The following VXN variants were observed in gnomAD, a reference collection of about 807,000 sequenced individuals.
VXN encodes the protein vexin, also known as uncharacterized protein C8orf46.
A neutral mutation model predicts 23.1 loss-of-function variants in VXN; 7 were observed. The ratio of observed to expected loss-of-function variants is 0.30; its 90% confidence interval spans 0.17 to 0.57. The LOEUF is 0.57. Ranked by LOEUF, VXN falls within the 20% of genes least tolerant of loss-of-function variation. The pLI, the probability that VXN is intolerant of heterozygous loss-of-function variation, is 0.91. For synonymous variants in VXN, 120 were observed against 105.8 expected (o/e 1.13, Z -0.83); for missense variants, 238 against 272.6 (o/e 0.87, Z 0.89).
At chr8:66,515,302 C>G (rs556767575) in intron 5 of VXN, among the ~76,000 whole-genome samples, 3 of 152,198 alleles carry the variant, frequency 2.0e-5, no homozygotes, top group Non-Finnish European at 4.4e-5. Context: ...GAAAATTAAG[C>G]CCACCATTTC....
In VXN at chr8:66,517,005, C is replaced by A. The variant is rs747451548; in HGVS notation, c.*929C>A. On this transcript the variant is annotated 3_prime_UTR_variant, in exon 6 of 6. Transcript: ENST00000305454. The stretch of plus-strand genomic sequence containing the variant: ...AATGGTGAGAGTGTGTCTCTGGGGG[C>A]AACCATTGAAAAGAAGACTCTGATA... The A allele has an allele frequency of 8.5e-5, 13 of 152,216 alleles. No individual in the cohort carries two copies. Among genetic ancestry groups the A allele is most frequent in the Non-Finnish European group, 1.3e-4 (9 of 68,016 alleles). 9.4% of individuals were successfully genotyped at this position (152,216 alleles called of 1,614,324 possible).
At chr8:66,505,349 C>T (rs767853928) in intron 2 of VXN, 26 bp from the exon 3 acceptor site, 5 of 1,569,038 alleles carry the variant, frequency 3.2e-6, no homozygotes, top group Non-Finnish European at 3.5e-6. Flanking sequence ...GAGGAGTGGG[C>T]TAACCGCGTT....
chr8:66,512,889 A>G (rs529170055), intron 4 of VXN, among the ~76,000 whole-genome samples: 30 of 152,172 alleles, frequency 2.0e-4, no homozygotes, highest in Admixed American at 2.0e-4. Context: ...CGAGCTGCGT[A>G]GATAGAGGGC....
intron 2 of VXN, among the ~76,000 whole-genome samples, chr8:66,500,868 ATTTTTTTT>A (rs1172553891): frequency 8.8e-6 from 1 of 114,152 alleles, no homozygotes; most frequent in Non-Finnish European, 1.8e-5. Flanking sequence ...AAAGGACATG[ATTTTTTTT>A]TTTTTTTTTT....
At position 66,516,862 on chromosome 8, in the gene VXN, C is replaced by T. The variant is rs986960877; in HGVS notation, c.*786C>T. On this transcript the variant is annotated 3_prime_UTR_variant, in exon 6 of 6. Coordinates refer to ENST00000305454, the MANE Select transcript of VXN (RefSeq NM_152765.4). The stretch of plus-strand genomic sequence containing the variant: ...AATCTGCAGAGGGGGAAATGGAGGC[C>T]TTCAGAGATTACAGGACCAGATACC... 3 of 152,178 alleles carry T rather than the reference C, an allele frequency of 2.0e-5. No individual in the cohort carries two copies. The highest frequency in any genetic ancestry group is 2.9e-5 in the Non-Finnish European group (2 of 68,048). The allele number at this position is 152,178 out of a possible 1,614,324, so 9.4% of individuals were successfully genotyped here.
chr8:66,493,875 A>T (rs936090285), intron 1 of VXN, among the ~76,000 whole-genome samples, 157 bp downstream of exon 1: 3 of 152,110 alleles, frequency 2.0e-5, no homozygotes, highest in Non-Finnish European at 4.4e-5. Context: ...GGGGGGAAAG[A>T]GGCACAAGGA....
intron 1 of VXN, chr8:66,494,968 G>A (rs1807609868): frequency 6.6e-6 from 1 of 152,222 alleles, no homozygotes. Flanking sequence ...GTGAACATAG[G>A]TAGATCTAAG....
At chr8:66,504,504 A>G (rs140488561) in intron 2 of VXN, among the ~76,000 whole-genome samples, 9 of 151,982 alleles carry the variant, frequency 5.9e-5, no homozygotes, top group Non-Finnish European at 1.3e-4. Context: ...GACTCTCCAT[A>G]GTAAGATAAA....
At chr8:66,510,454 G>T (rs1425824195) in intron 4 of VXN, 1 of 287,358 alleles carries the variant, frequency 3.5e-6, no homozygotes, top group South Asian at 5.6e-5. Context: ...GGGGCAGGAT[G>T]GACTGGTTTC....
At chr8:66,508,708 C>G (rs1223012041) in intron 3 of VXN, among the ~76,000 whole-genome samples, 1 of 152,206 alleles carries the variant, frequency 6.6e-6, no homozygotes, top group Non-Finnish European at 1.5e-5. Context: ...AGTCAGTTTG[C>G]TACTCCCTAA....
chr8:66,504,929 G>C (rs1006773694), intron 2 of VXN, among the ~76,000 whole-genome samples: 1 of 152,250 alleles, frequency 6.6e-6, no homozygotes, highest in African/African-American at 2.4e-5. Context: ...CATCCAAAAA[G>C]TTGTCCTCTG....
chr8:66,514,424 T>TAA (rs1200400070), intron 5 of VXN: 2 of 152,360 alleles, frequency 1.3e-5, no homozygotes, highest in East Asian at 3.9e-4. Flanking sequence ...TGGTGAGAAT[T>TAA]AATTTTTTGG....
intron 1 of VXN, chr8:66,494,745 A>G (rs1020227722): frequency 3.9e-5 from 6 of 152,166 alleles, no homozygotes; most frequent in Non-Finnish European, 8.8e-5. Flanking sequence ...TTCCCTCTGG[A>G]AACTCTGAAA....
Position 66,505,369 on chromosome 8 carries a change from C to A in VXN, c.127-6C>A. ...GTGGGCTAACCGCGTTTCCCCCGCC[C>A]GGCAGGTGGTGATCGAGTCGGACCT... On this transcript the variant is annotated splice_region_variant and splice_polypyrimidine_tract_variant and intron_variant, in intron 2 of 5. Coordinates refer to ENST00000305454, the MANE Select transcript of VXN (RefSeq NM_152765.4). The A allele has an allele frequency of 6.3e-7, 1 of 1,576,838 alleles. No individual in the cohort carries two copies. The highest frequency in any genetic ancestry group is 2.3e-5 in the East Asian group (1 of 43,404).
intron 2 of VXN, among the ~76,000 whole-genome samples, chr8:66,499,791 T>C (rs1665135300): frequency 6.6e-6 from 1 of 152,152 alleles, no homozygotes; most frequent in African/African-American, 2.4e-5. Flanking sequence ...ACTCCTGCAA[T>C]TTGCTTTTTT....
At chr8:66,505,913 C>T (rs1807751316) in intron 3 of VXN, among the ~76,000 whole-genome samples, 1 of 152,184 alleles carries the variant, frequency 6.6e-6, no homozygotes, top group South Asian at 2.1e-4. Context: ...GCCTCAGCCT[C>T]CCTGGGACTA....
chr8:66,506,231 C>CTGTG (rs1807756632), intron 3 of VXN, among the ~76,000 whole-genome samples: 1 of 84,788 alleles, frequency 1.2e-5, no homozygotes, highest in African/African-American at 5.8e-5. Context: ...GAGAGAGAGA[C>CTGTG]AGTGTGTGTG....
At chr8:66,504,411 C>A (rs566503392) in intron 2 of VXN, among the ~76,000 whole-genome samples, 59 of 151,988 alleles carry the variant, frequency 3.9e-4, no homozygotes, top group African/African-American at 1.0e-3. Flanking sequence ...ACCGCCCCCC[C>A]ACCCCCAGAA....
At chr8:66,507,787 A>C (rs1189297821) in intron 3 of VXN, among the ~76,000 whole-genome samples, 1 of 128,372 alleles carries the variant, frequency 7.8e-6, no homozygotes, top group African/African-American at 2.9e-5. Flanking sequence ...TAGATTCCAG[A>C]GTGGGTGGGA....
Sources: gnomAD v4.1 joint callset for allele counts (sites outside exome capture counted in the v4.1 genomes callset) on GRCh38, gnomAD v4.1.1 for gene constraint, MANE v1.5 for transcripts, NCBI Gene and HGNC (gene_info 2026-07-23, HGNC 2026-07-21) for gene names.